Variants in PCDH10 observed in about 807,000 individuals in gnomAD.
PCDH10 encodes the protein protocadherin-10.
In PCDH10, 15 loss-of-function variants were observed where a neutral mutation model predicts 74.4. The observed-to-expected ratio is 0.20, with a 90% CI of 0.13 to 0.31. The LOEUF is 0.31. Among genes scored for constraint, PCDH10 ranks in the 10% least tolerant of loss-of-function variants. The pLI, the probability that PCDH10 is intolerant of heterozygous loss-of-function variation, is 1.00. For synonymous variants in PCDH10, 619 were observed against 589.8 expected (o/e 1.05, Z -0.72); for missense variants, 1,260 against 1,390.2 (o/e 0.91, Z 1.49).
chr4:133,183,254 CAT>C (rs1326838900), intron 4 of PCDH10, among the ~76,000 whole-genome samples: 1 of 152,038 alleles, frequency 6.6e-6, no homozygotes, highest in Non-Finnish European at 1.5e-5. Flanking sequence ...AGGTAGTTGA[CAT>C]AGTTGCAGTA....
rs1286046708 is a variant in PCDH10, at chr4:133,150,782, A to AGGAGGG, written c.648_653dup (p.Gly220_Gly221dup). The AGGAGGG allele has an allele frequency of 4.2e-6, 4 of 956,372 alleles. No homozygotes were observed. The highest frequency in any genetic ancestry group is 5.8e-6 in the Non-Finnish European group (4 of 689,366). The allele number at this position is 956,372 out of a possible 1,614,324, so 59.2% of individuals were successfully genotyped here. On this transcript the variant is annotated inframe_insertion, in exon 1 of 5. Transcript: ENST00000264360. ...GAGGAGGTGGGGGAGGAGTAGGAGAAGGAGGGGGAGGTGGCGGGGGAGCAG... is the reference window on the plus strand; with the variant it reads ...GAGGAGGTGGGGGAGGAGTAGGAGAAGGAGGGGGAGGGGGAGGTGGCGGGGGAGCAG...
intron 4 of PCDH10, among the ~76,000 whole-genome samples, chr4:133,182,627 T>C (rs1727440881): frequency 6.6e-6 from 1 of 152,092 alleles, no homozygotes; most frequent in Non-Finnish European, 1.5e-5. Context: ...TCAGTGATAT[T>C]ATAAACATGC....
intron 4 of PCDH10, among the ~76,000 whole-genome samples, chr4:133,186,361 G>A (rs924456667): frequency 6.6e-6 from 1 of 152,026 alleles, no homozygotes; most frequent in Non-Finnish European, 1.5e-5. Context: ...GATTTCATTT[G>A]ATTGAAAATA....
intron 3 of PCDH10, among the ~76,000 whole-genome samples, chr4:133,160,688 G>A (rs1222757900): frequency 6.7e-6 from 1 of 149,774 alleles, no homozygotes; most frequent in Admixed American, 6.7e-5. Flanking sequence ...AGAGTAGTTG[G>A]GCCTAGGTGC....
At chr4:133,201,064 T>C (rs922438452) in intron 2 of PCDH10, among the ~76,000 whole-genome samples, 6 of 152,164 alleles carry the variant, frequency 3.9e-5, no homozygotes, top group African/African-American at 1.4e-4. Flanking sequence ...ACATGTTATA[T>C]TGGTAGTGAA....
chr4:133,197,792 C>A (rs929199906), downstream of PCDH10, among the ~76,000 whole-genome samples: 1 of 152,030 alleles, frequency 6.6e-6, no homozygotes, highest in African/African-American at 2.4e-5. Context: ...AATAACTCTT[C>A]TTTTGATCAT....
chr4:133,152,380 A>G lies in PCDH10; in HGVS notation c.2240A>G (p.Asn747Ser). ...AVRCQKEKKL[N>S]IYTCLASDCC... ...CGTTGCCAAAAAGAGAAGAAGCTCA[A>G]CATCTATACTTGTCTGGCCAGCGAT... The change falls in exon 1 of 5, where the codon AAC becomes AGC. Residue 747 changes from asparagine (N) to serine (S), a missense_variant. Coordinates refer to ENST00000264360, the MANE Select transcript of PCDH10 (RefSeq NM_032961.3). The G allele has an allele frequency of 1.2e-6, 2 of 1,614,196 alleles. No homozygotes were observed. Among genetic ancestry groups the G allele is most frequent in the African/African-American group, 2.7e-5 (2 of 75,064 alleles).
chr4:133,188,966 C>G (rs1727599352), intron 4 of PCDH10, among the ~76,000 whole-genome samples: 2 of 151,886 alleles, frequency 1.3e-5, no homozygotes, highest in South Asian at 4.2e-4. Flanking sequence ...AGAGCCACCA[C>G]ATCCGGCCGA....
intron 3 of PCDH10, among the ~76,000 whole-genome samples, chr4:133,158,370 T>G (rs967399755): frequency 1.3e-5 from 2 of 152,192 alleles, no homozygotes; most frequent in South Asian, 2.1e-4. Flanking sequence ...AATTATAGAT[T>G]TATTTTTAAT....
intron 4 of PCDH10, among the ~76,000 whole-genome samples, chr4:133,170,792 G>A (rs181123708): frequency 2.0e-5 from 3 of 151,870 alleles, no homozygotes; most frequent in African/African-American, 4.8e-5. Context: ...TCCCGGGTTC[G>A]AGCGATTTTC....
At position 133,192,717 on chromosome 4, in the gene PCDH10, G is replaced by T. The variant is rs1727706101; in HGVS notation, c.*2557G>T. The T allele has an allele frequency of 6.6e-6, 1 of 151,450 alleles. No individual in the cohort carries two copies. The highest frequency in any genetic ancestry group is 2.4e-5 in the African/African-American group (1 of 41,354). 9.4% of individuals were successfully genotyped at this position (151,450 alleles called of 1,614,324 possible). Reference sequence around the variant, plus strand: ...TTAAGGATAAAATGCTACATTATTAGGTCATTAATCAACTTATCTGTTGCA... The same window carrying T: ...TTAAGGATAAAATGCTACATTATTATGTCATTAATCAACTTATCTGTTGCA... On this transcript the variant is annotated 3_prime_UTR_variant, in exon 5 of 5. Transcript: ENST00000264360.
Position 133,193,764 on chromosome 4 carries a change from T to A in PCDH10, c.*3604T>A, listed in dbSNP as rs1727732132. The stretch of plus-strand genomic sequence containing the variant: ...AAAATACTTAAAATATTGGTATACT[T>A]GATGATTTTTCTGAAAATCTTATAT... On this transcript the variant is annotated 3_prime_UTR_variant, in exon 5 of 5. Coordinates refer to ENST00000264360, the MANE Select transcript of PCDH10 (RefSeq NM_032961.3). 6.7e-6 allele frequency: 1 copy of A among 149,908 alleles called. No individual in the cohort carries two copies. Among genetic ancestry groups the A allele is most frequent in the Non-Finnish European group, 1.5e-5 (1 of 66,250 alleles). 9.3% of individuals were successfully genotyped at this position (149,908 alleles called of 1,614,324 possible). A position where few individuals can be genotyped will look rare whatever the true frequency, so the allele number is the denominator to read the frequency against.
At chr4:133,164,059 TA>T (rs1490126110) in intron 4 of PCDH10, 2 of 454,828 alleles carry the variant, frequency 4.4e-6, no homozygotes, top group South Asian at 3.1e-5. Flanking sequence ...GTGACAACAA[TA>T]GGTGGTGTTT....
At position 133,152,311 on chromosome 4, in the gene PCDH10, C is replaced by T; in HGVS notation, c.2171C>T (p.Ser724Leu). ...CTCATCCTCATCATCGCGTTGGGCTCGGTGTCCTTCATCTTCCTGCTGGCC... is the reference window on the plus strand; with the variant it reads ...CTCATCCTCATCATCGCGTTGGGCTTGGTGTCCTTCATCTTCCTGCTGGCC... ...LTLILIIALG[S>L]VSFIFLLAMI... is the part of the protein sequence containing the mutation. The change falls in exon 1 of 5, where the codon TCG becomes TTG. Residue 724 changes from serine to leucine, a missense_variant. Physicochemically the swap from Ser to Leu is moderately radical, Grantham distance 145. This residue lies in a region of PCDH10 where 587 missense variants were observed against 616.9 expected (regional missense o/e 0.95). Transcript: ENST00000264360. 1 of 1,614,186 alleles carries T rather than the reference C, an allele frequency of 6.2e-7. No homozygotes were observed. The highest frequency in any genetic ancestry group is 8.5e-7 in the Non-Finnish European group (1 of 1,180,040).
rs780629252 is a variant in PCDH10, at chr4:133,152,195, C to T, written c.2055C>T (p.Pro685=). 1.9e-6 allele frequency: 3 copies of T among 1,579,510 alleles called. No homozygotes were observed. The highest frequency in any genetic ancestry group is 2.2e-5 in the East Asian group (1 of 44,592). The change falls in exon 1 of 5, where the codon CCC becomes CCT. Residue 685 remains proline, a synonymous_variant. Coordinates refer to ENST00000264360, the MANE Select transcript of PCDH10 (RefSeq NM_032961.3). ...AGCTGGTGGATGGCGCCGTGGAGCC[C>T]CAGGGCGGGGGCGGGAGCGGAGGCG... is the stretch of plus-strand genomic sequence containing the variant. The part of the protein sequence containing the change: ...VVQLVDGAVE[P]QGGGGSGGGG...
Position 133,151,419 on chromosome 4 carries a change from G to C in PCDH10, c.1279G>C (p.Asp427His). The C allele has an allele frequency of 6.2e-7, 1 of 1,614,094 alleles. No individual in the cohort carries two copies. Among genetic ancestry groups the C allele is most frequent in the Non-Finnish European group, 8.5e-7 (1 of 1,180,032 alleles). ...TEAPLDREAGDSYTLTVVARD... is the reference protein window; with the variant it reads ...TEAPLDREAGHSYTLTVVARD... ...AGCCCCCCTGGACCGAGAGGCGGGG[G>C]ACTCCTACACCCTGACTGTAGTGGC... Residue 427 changes from aspartate (D) to histidine (H), a missense_variant, in exon 1 of 5, where the codon GAC becomes CAC. Physicochemically the swap from Asp to His is moderately conservative, Grantham distance 81. Transcript: ENST00000264360.
At chr4:133,156,331 A>G (rs1392110031) in intron 3 of PCDH10, among the ~76,000 whole-genome samples, 1 of 152,190 alleles carries the variant, frequency 6.6e-6, no homozygotes, top group Non-Finnish European at 1.5e-5. Context: ...GGGTCTCTTT[A>G]TATTGCTGTG....
Position 133,150,845 on chromosome 4 carries a change from A to G in PCDH10, c.705A>G (p.Leu235=). The part of the protein sequence containing the change: ...PPQQQRTGTA[L]LTIRVLDSND... ...AGCAGCAGCGCACCGGCACGGCCCT[A>G]CTCACCATCCGAGTGCTGGACTCCA... The change falls in exon 1 of 5, where the codon CTA becomes CTG. Residue 235 remains leucine, a synonymous_variant. Coordinates refer to ENST00000264360, the MANE Select transcript of PCDH10 (RefSeq NM_032961.3). The G allele has an allele frequency of 6.2e-7, 1 of 1,601,982 alleles. No homozygotes were observed. The highest frequency in any genetic ancestry group is 8.5e-7 in the Non-Finnish European group (1 of 1,175,790).
intron 4 of PCDH10, among the ~76,000 whole-genome samples, 172 bp downstream of exon 4, chr4:133,163,454 C>G (rs926435449): frequency 1.3e-5 from 2 of 151,972 alleles, no homozygotes; most frequent in Admixed American, 1.3e-4. Flanking sequence ...ATAATAGATT[C>G]CTCTAACATT....
Sources: gnomAD v4.1 joint callset for allele counts (sites outside exome capture counted in the v4.1 genomes callset) on GRCh38, gnomAD v4.1.1 for gene constraint, gnomAD v4.1.1 regional missense constraint, MANE v1.5 for transcripts, NCBI Gene and HGNC (gene_info 2026-07-23, HGNC 2026-07-21) for gene names.